DCHS2: variants seen among roughly 807,000 people sequenced by gnomAD.
DCHS2 encodes the protein protocadherin-23.
Under a neutral mutation model 182.4 loss-of-function variants are expected in DCHS2, and 142 were observed. The observed-to-expected ratio is 0.78, with a 90% CI of 0.68 to 0.89. The LOEUF is 0.89. DCHS2 is among the 40% of genes least tolerant of loss of function. The probability of loss-of-function intolerance (pLI) is 0.00; values close to 1 mark genes in which losing one functional copy is unlikely to be tolerated. For synonymous variants in DCHS2, 1,740 were observed against 1,663.3 expected (o/e 1.05, Z -1.12); for missense variants, 4,319 against 4,198.6 (o/e 1.03, Z -0.79).
At chr4:154,382,422 A>G (rs1327584332) in intron 1 of DCHS2, among the ~76,000 whole-genome samples, 1 of 152,152 alleles carries the variant, frequency 6.6e-6, no homozygotes, top group Admixed American at 6.5e-5. Context: ...AACATTCTGG[A>G]CATTGGCCTT....
chr4:154,255,869 C>G (rs1732641350), intron 15 of DCHS2, among the ~76,000 whole-genome samples, 199 bp from the exon 16 acceptor site: 1 of 152,112 alleles, frequency 6.6e-6, no homozygotes, highest in African/African-American at 2.4e-5. Flanking sequence ...AATTCTTCAT[C>G]CAAAGAATTT....
Position 154,489,775 on chromosome 4 carries a change from G to A in DCHS2, c.1581C>T (p.Leu527=), listed in dbSNP as rs1429949727. The change falls in exon 1 of 20, where the codon CTC becomes CTT. Residue 527 remains leucine (L), a synonymous_variant. Coordinates refer to ENST00000357232, the MANE Select transcript of DCHS2 (RefSeq NM_001358235.2). ...GTTGGTCATTGAGGTCAGCGACCCG[G>A]AGTAGCAGCGTCTCCTCCGTGCTCA... ...PPLSTEETLL[L]RVADLNDQPP... The A allele has an allele frequency of 6.4e-7, 1 of 1,551,618 alleles. No homozygotes were observed. Among genetic ancestry groups the A allele is most frequent in the South Asian group, 1.2e-5 (1 of 84,058 alleles).
chr4:154,436,678 G>A (rs1490648), intron 1 of DCHS2, among the ~76,000 whole-genome samples: 74,011 of 152,014 alleles, frequency 0.49, 18,925 homozygotes, highest in Middle Eastern at 0.67. Flanking sequence ...AGCATGTCCA[G>A]ATTTTTATTT....
At chr4:154,251,313 A>C (rs1732343880) in intron 16 of DCHS2, among the ~76,000 whole-genome samples, 1 of 152,224 alleles carries the variant, frequency 6.6e-6, no homozygotes. Context: ...AATCATTCAC[A>C]TCGGCTAGAA....
intron 1 of DCHS2, among the ~76,000 whole-genome samples, chr4:154,472,184 T>C (rs943224658): frequency 1.3e-5 from 2 of 152,192 alleles, no homozygotes; most frequent in African/African-American, 4.8e-5. Context: ...TAATCCACAG[T>C]TTTAAAAGGC....
chr4:154,300,790 C>T (rs2111289411), intron 12 of DCHS2, among the ~76,000 whole-genome samples: 1 of 152,054 alleles, frequency 6.6e-6, no homozygotes, highest in Non-Finnish European at 1.5e-5. Flanking sequence ...GTATCTGAAA[C>T]AATATTTGCG....
chr4:154,255,148 C>T (rs1732590765), intron 16 of DCHS2, among the ~76,000 whole-genome samples: 1 of 152,138 alleles, frequency 6.6e-6, no homozygotes, highest in Non-Finnish European at 1.5e-5. Context: ...ATCCCTCAGT[C>T]GTCACGTTTT....
intron 14 of DCHS2, among the ~76,000 whole-genome samples, chr4:154,264,419 A>AG (rs548683160): frequency 2.8e-4 from 43 of 152,336 alleles, no homozygotes; most frequent in South Asian, 1.0e-3. Flanking sequence ...GAGTTGAAAA[A>AG]AATTCAACAG....
chr4:154,478,431 C>T (rs1377509201), intron 1 of DCHS2, among the ~76,000 whole-genome samples: 1 of 152,104 alleles, frequency 6.6e-6, no homozygotes, highest in Non-Finnish European at 1.5e-5. Flanking sequence ...CAACTTTTTA[C>T]AAGGGGTCCA....
intron 1 of DCHS2, among the ~76,000 whole-genome samples, chr4:154,426,906 G>A (rs2110926044): frequency 6.6e-6 from 1 of 152,278 alleles, no homozygotes. Flanking sequence ...TACATTGTAT[G>A]ACTGTATCCA....
At chr4:154,280,827 T>TC in intron 13 of DCHS2, among the ~76,000 whole-genome samples, 1 of 141,932 alleles carries the variant, frequency 7.0e-6, no homozygotes, top group East Asian at 2.0e-4. Context: ...AATGCTCACT[T>TC]CTTTTTTTTT....
At chr4:154,405,470 ATT>A (rs1560738747) in intron 1 of DCHS2, among the ~76,000 whole-genome samples, 1 of 149,634 alleles carries the variant, frequency 6.7e-6, no homozygotes, top group African/African-American at 2.5e-5. Context: ...ATATATATAT[ATT>A]TTCATTGCTC....
chr4:154,237,280 T>A (rs750182168), intron 19 of DCHS2, 121 bp from the exon 20 acceptor site: 1 of 1,310,866 alleles, frequency 7.6e-7, no homozygotes, highest in East Asian at 2.5e-5. Flanking sequence ...ATCTGTTAAG[T>A]CACAATGAAC....
chr4:154,427,998 G>C (rs1345637275), intron 1 of DCHS2, among the ~76,000 whole-genome samples: 1 of 152,218 alleles, frequency 6.6e-6, no homozygotes, highest in Non-Finnish European at 1.5e-5. Context: ...AAGGCAGTCT[G>C]GAGATGCGGT....
intron 1 of DCHS2, among the ~76,000 whole-genome samples, chr4:154,481,494 C>T (rs930146574): frequency 6.6e-6 from 1 of 152,070 alleles, no homozygotes; most frequent in Non-Finnish European, 1.5e-5. Flanking sequence ...TGGGCTCAAG[C>T]TGTCCATCCA....
chr4:154,442,834 C>T lies in DCHS2; in HGVS notation c.2052+46470G>A, dbSNP rs1734094727. On this transcript the variant is annotated intron_variant, in intron 1 of 19. Transcript: ENST00000357232. ...TGGTTCCCTGTCTTTCTCTTGGTCA[C>T]TAGTTTTCTTATCTGCATAGATAAC... Among the ~76,000 whole-genome samples the T allele has an allele frequency of 3.9e-5, 6 of 152,126 alleles. No individual in the cohort carries two copies. The South Asian group carries it at 1.2e-3, about 31-fold the overall frequency.
Position 154,255,518 on chromosome 4 carries a change from C to G in DCHS2, c.6941+1G>C. ...CCAATGGATCTGAACCCTGGACCAACCTGTAGGAGCTGGTGAGCTCGTAAT... is the reference window on the plus strand; with the variant it reads ...CCAATGGATCTGAACCCTGGACCAAGCTGTAGGAGCTGGTGAGCTCGTAAT... On this transcript the variant is annotated splice_donor_variant, in intron 16 of 19. Transcript: ENST00000357232. LOFTEE classifies it high-confidence loss of function. The G allele has an allele frequency of 6.2e-7, 1 of 1,613,076 alleles. No individual in the cohort carries two copies. Among genetic ancestry groups the G allele is most frequent in the Non-Finnish European group, 8.5e-7 (1 of 1,179,484 alleles).
chr4:154,405,510 C>T (rs1579052791), intron 1 of DCHS2, among the ~76,000 whole-genome samples: 1 of 151,472 alleles, frequency 6.6e-6, no homozygotes, highest in East Asian at 1.9e-4. Context: ...CTAAGGGATG[C>T]CAATTATATG....
chr4:154,364,723 A>G (rs1405620533), intron 3 of DCHS2, among the ~76,000 whole-genome samples: 1 of 152,172 alleles, frequency 6.6e-6, no homozygotes, highest in African/African-American at 2.4e-5. Context: ...ATAGCACATT[A>G]GATTTCCTGT....
Sources: gnomAD v4.1 joint callset for allele counts (sites outside exome capture counted in the v4.1 genomes callset) on GRCh38, gnomAD v4.1.1 for gene constraint, MANE v1.5 for transcripts, NCBI Gene and HGNC (gene_info 2026-07-23, HGNC 2026-07-21) for gene names.